The following NRXN3 variants were observed in gnomAD, a reference collection of about 807,000 sequenced individuals.
The protein encoded by NRXN3 is neurexin III.
NRXN3 carries 32 observed loss-of-function variants against 137.6 expected under a neutral mutation model. The observed-to-expected ratio is 0.23, with a 90% CI of 0.18 to 0.31. The LOEUF (loss-of-function observed/expected upper bound fraction) is 0.31, where lower values mean the gene tolerates loss of function less well. NRXN3 is among the 10% of genes least tolerant of loss of function. The probability of loss-of-function intolerance (pLI) is 1.00; values close to 1 mark genes in which losing one functional copy is unlikely to be tolerated. For missense variants in NRXN3, 1,574 were observed against 2,062.5 expected, an observed-to-expected ratio of 0.76 and a Z score of 4.59; for synonymous variants, 798 against 784.5, an observed-to-expected ratio of 1.02 and a Z score of -0.29.
intron 16 of NRXN3, among the ~76,000 whole-genome samples, chr14:79,490,345 C>T (rs1433838178): frequency 6.6e-6 from 1 of 152,108 alleles, no homozygotes; most frequent in East Asian, 1.9e-4. Context: ...ATCAGTATAT[C>T]AAAGAGATAT....
chr14:78,290,918 A>C (rs534515510), intron 3 of NRXN3, among the ~76,000 whole-genome samples: 1 of 152,270 alleles, frequency 6.6e-6, no homozygotes, highest in Non-Finnish European at 1.5e-5. Context: ...TTGCGTTTTA[A>C]AGAGAGAAGT....
At chr14:79,037,293 A>C (rs1161916635) in intron 15 of NRXN3, among the ~76,000 whole-genome samples, 1 of 152,232 alleles carries the variant, frequency 6.6e-6, no homozygotes, top group East Asian at 1.9e-4. Context: ...ATGCTCAAAT[A>C]CACAGGCAGA....
chr14:79,441,366 C>CTTTTTTTTTTTTTTTTTTTT (rs869170695), intron 15 of NRXN3, among the ~76,000 whole-genome samples: 2 of 67,232 alleles, frequency 3.0e-5, no homozygotes, highest in African/African-American at 6.2e-5. Flanking sequence ...AACAGAAAAT[C>CTTTTTTTTTTTTTTTTTTTT]TTTTTTTTTT....
intron 4 of NRXN3, among the ~76,000 whole-genome samples, chr14:78,489,782 G>T (rs1292184299): frequency 6.6e-6 from 1 of 152,094 alleles, no homozygotes; most frequent in Admixed American, 6.6e-5. Flanking sequence ...ATTTGGGCGG[G>T]GTGGGAGGCT....
rs1236906857 is a variant in NRXN3 at position 79,437,008 on chromosome 14, A to T, written c.3263-30213A>T. 4.6e-5 allele frequency among the ~76,000 whole-genome samples: 7 copies of T among 151,896 alleles called. No individual in the cohort carries two copies. The East Asian group carries it at 1.4e-3, about 30-fold the overall frequency. On this transcript the variant is annotated intron_variant, in intron 15 of 20. Transcript: ENST00000335750. ...TTGTTGTGGCTCCCCCTGTGTAAAA[A>T]CCTTTTAGTGTTTCTCATCTCCATG...
intron 10 of NRXN3, among the ~76,000 whole-genome samples, chr14:78,873,030 A>G (rs2099105191): frequency 1.3e-5 from 2 of 152,080 alleles, no homozygotes. Flanking sequence ...ATCCTTATAT[A>G]GGCTTTTAGT....
At chr14:79,163,504 A>G (rs2060997385) in intron 15 of NRXN3, among the ~76,000 whole-genome samples, 1 of 151,948 alleles carries the variant, frequency 6.6e-6, no homozygotes, top group Non-Finnish European at 1.5e-5. Context: ...CCCAAGAGAG[A>G]TGCAAATTAC....
At chr14:78,831,558 A>C (rs1016901938) in intron 10 of NRXN3, among the ~76,000 whole-genome samples, 21 of 151,134 alleles carry the variant, frequency 1.4e-4, no homozygotes, top group Admixed American at 2.6e-4. Flanking sequence ...AAAAAAAAAA[A>C]AAACAACAAC....
chr14:79,387,018 A>G (rs554587434), intron 15 of NRXN3, among the ~76,000 whole-genome samples: 1 of 152,084 alleles, frequency 6.6e-6, no homozygotes, highest in Non-Finnish European at 1.5e-5. Context: ...AACCTAGGCA[A>G]TACCATTCAG....
intron 15 of NRXN3, among the ~76,000 whole-genome samples, chr14:79,341,979 A>G (rs185167521): frequency 3.5e-4 from 53 of 152,312 alleles, no homozygotes; most frequent in African/African-American, 1.2e-3. Flanking sequence ...GAGGCTCCCC[A>G]TTGTTTGGAA....
At chr14:78,772,102 C>T (rs2098730118) in intron 8 of NRXN3, among the ~76,000 whole-genome samples, 1 of 152,134 alleles carries the variant, frequency 6.6e-6, no homozygotes, top group South Asian at 2.1e-4. Context: ...AAATTTTCCA[C>T]TTGTGGCATC....
At chr14:78,638,409 G>T (rs998842342) in intron 4 of NRXN3, among the ~76,000 whole-genome samples, 12 of 152,164 alleles carry the variant, frequency 7.9e-5, no homozygotes, top group African/African-American at 2.9e-4. Context: ...TCTGCAGCTT[G>T]ATCTCTCTTA....
chr14:79,091,140 TA>T (rs1242634705), intron 15 of NRXN3, among the ~76,000 whole-genome samples: 1 of 151,624 alleles, frequency 6.6e-6, no homozygotes, highest in East Asian at 1.9e-4. Flanking sequence ...CCTTTACCCC[TA>T]AAACATTCTG....
At chr14:78,217,348 T>C (rs901073652) in intron 1 of NRXN3, among the ~76,000 whole-genome samples, 4 of 152,206 alleles carry the variant, frequency 2.6e-5, no homozygotes, top group East Asian at 1.9e-4. Flanking sequence ...TTACATTATC[T>C]TCTCTTTTTG....
intron 20 of NRXN3, among the ~76,000 whole-genome samples, chr14:79,826,541 A>T (rs964842927): frequency 6.6e-6 from 1 of 152,192 alleles, no homozygotes; most frequent in African/African-American, 2.4e-5. Flanking sequence ...AGTTGTAGTC[A>T]TCATTCCTTT....
intron 6 of NRXN3, among the ~76,000 whole-genome samples, chr14:78,679,143 A>G (rs944441303): frequency 5.3e-5 from 8 of 152,230 alleles, no homozygotes; most frequent in Non-Finnish European, 1.2e-4. Flanking sequence ...ATAGAAAAAA[A>G]GTATTACCAA....
intron 4 of NRXN3, among the ~76,000 whole-genome samples, chr14:78,530,296 G>A (rs751529689): frequency 6.6e-6 from 1 of 152,162 alleles, no homozygotes; most frequent in Non-Finnish European, 1.5e-5. Flanking sequence ...GTCACTCCCT[G>A]AACAGCAGGA....
At chr14:79,523,125 G>A (rs754053315) in intron 16 of NRXN3, among the ~76,000 whole-genome samples, 6 of 152,078 alleles carry the variant, frequency 3.9e-5, no homozygotes, top group African/African-American at 1.4e-4. Flanking sequence ...CACTGTGTGC[G>A]AACTTGGTGG....
intron 16 of NRXN3, among the ~76,000 whole-genome samples, chr14:79,556,841 C>A (rs2097434369): frequency 6.6e-6 from 1 of 152,202 alleles, no homozygotes; most frequent in Admixed American, 6.5e-5. Flanking sequence ...TAGGCACCAG[C>A]CACTGCACCC....
Sources: allele counts gnomAD v4.1 joint callset (sites outside exome capture counted in the v4.1 genomes callset), GRCh38; gene constraint gnomAD v4.1.1; transcripts MANE v1.5; gene names NCBI Gene and HGNC (gene_info 2026-07-23, HGNC 2026-07-21).